CPVL: variants seen among roughly 807,000 people sequenced by gnomAD.
The protein encoded by CPVL is carboxypeptidase vitellogenic like.
A neutral mutation model predicts 63.7 loss-of-function variants in CPVL; 51 were observed. The observed-to-expected ratio is 0.80, with a 90% confidence interval of 0.64 to 1.01. CPVL has a LOEUF of 1.01. CPVL is among the 50% of genes least tolerant of loss of function. The pLI is 0.00. For synonymous variants in CPVL, 195 were observed against 206.0 expected (o/e 0.95, Z 0.46); for missense variants, 530 against 573.1 (o/e 0.92, Z 0.77).
rs180997031 is a variant in CPVL at position 29,173,798 on chromosome 7, G to T, written c.-11+7492C>A. On this transcript the variant is annotated intron_variant, in intron 5 of 16. Transcript: ENST00000409850. ...CCAAAAAAAAAAAAAAAAATTAGTC[G>T]AGTGTGGTGGTTCATGCCTGTAATC... Among the ~76,000 whole-genome samples, 46 of 150,828 alleles carry T rather than the reference G, an allele frequency of 3.0e-4. 1 individual carries two copies. The highest frequency in any genetic ancestry group is 3.4e-3 in the Middle Eastern group (1 of 290).
chr7:29,116,861 A>C (rs1788819671), intron 2 of CPVL, among the ~76,000 whole-genome samples: 1 of 152,248 alleles, frequency 6.6e-6, no homozygotes. Context: ...TTAAAAATTA[A>C]AAATTTCCCT....
At chr7:29,111,981 C>T (rs1277700553) in intron 3 of CPVL, among the ~76,000 whole-genome samples, 1 of 152,230 alleles carries the variant, frequency 6.6e-6, no homozygotes, top group East Asian at 1.9e-4. Context: ...ATACCCGCAA[C>T]AGCACCTCTA....
Position 29,028,587 on chromosome 7 carries a change from A to G in CPVL, c.1320+1990T>C, listed in dbSNP as rs555941656. Among the ~76,000 whole-genome samples the G allele has an allele frequency of 2.6e-5, 4 of 152,300 alleles. No individual in the cohort carries two copies. The East Asian group carries it at 7.7e-4, about 29-fold the overall frequency. Reference sequence around the variant, plus strand: ...GAATAGGAGAAAATATCTGCCAACTATCCATCTGACCAAAGACTAATATCC... The same window carrying G: ...GAATAGGAGAAAATATCTGCCAACTGTCCATCTGACCAAAGACTAATATCC... On this transcript the variant is annotated intron_variant, in intron 12 of 12. Coordinates refer to ENST00000265394, the MANE Select transcript of CPVL (RefSeq NM_031311.5).
chr7:29,146,446 C>A lies in CPVL; in HGVS notation c.-28G>T, dbSNP rs1214963358. ...GCACTTACGCGGCGCAGTCGGTGCT[C>A]CTCCCTGAGCCGCGGCGCGCAAGGA... On this transcript the variant is annotated 5_prime_UTR_variant, in exon 1 of 13. Transcript: ENST00000265394. 3.8e-6 allele frequency: 5 copies of A among 1,314,120 alleles called. No homozygotes were observed. The highest frequency in any genetic ancestry group is 1.5e-5 in the African/African-American group (1 of 67,058). The allele number at this position is 1,314,120 out of a possible 1,614,324, so 81.4% of individuals were successfully genotyped here.
rs773645487 is a variant in CPVL at position 29,094,996 on chromosome 7, C to A, written c.462+88G>T. 1.2e-4 allele frequency: 109 copies of A among 932,888 alleles called. 3 individuals carry two copies. The East Asian group carries it at 1.7e-3, about 15-fold the overall frequency. The allele number at this position is 932,888 out of a possible 1,614,324, so 57.8% of individuals were successfully genotyped here. A position where few individuals can be genotyped will look rare whatever the true frequency, so the allele number is the denominator to read the frequency against. On this transcript the variant is annotated intron_variant, in intron 5 of 12. Coordinates refer to ENST00000265394, the MANE Select transcript of CPVL (RefSeq NM_031311.5). ...CTATTTTCAAAAGGAAAAACGAAATCTATTTTTTAAATGTACTTAATAAAA... is the reference window on the plus strand; with the variant it reads ...CTATTTTCAAAAGGAAAAACGAAATATATTTTTTAAATGTACTTAATAAAA...
At chr7:29,111,781 C>G in intron 3 of CPVL, among the ~76,000 whole-genome samples, 1 of 152,084 alleles carries the variant, frequency 6.6e-6, no homozygotes, top group Middle Eastern at 3.4e-3. Context: ...CACCCTGGAC[C>G]AAGCAATTTA....
chr7:29,092,111 T>A (rs1785873220), intron 6 of CPVL, among the ~76,000 whole-genome samples: 1 of 151,614 alleles, frequency 6.6e-6, no homozygotes, highest in African/African-American at 2.4e-5. Flanking sequence ...TAGCAATGAT[T>A]AATATGAGTG....
chr7:29,081,638 G>A (rs78551860), intron 7 of CPVL, among the ~76,000 whole-genome samples: 1,745 of 152,294 alleles, frequency 0.011, 26 homozygotes, highest in African/African-American at 0.04. Context: ...CAGAGTAGAG[G>A]GGGAAATGCC....
At chr7:29,181,882 A>G (rs1413359214) in intron 4 of CPVL, among the ~76,000 whole-genome samples, 1 of 152,146 alleles carries the variant, frequency 6.6e-6, no homozygotes, top group African/African-American at 2.4e-5. Context: ...GTACCTAAGT[A>G]TTTATTCATG....
At position 29,095,211 on chromosome 7, in the gene CPVL, C is replaced by T. The variant is rs1786283388; in HGVS notation, c.404-69G>A. 53 of 1,313,192 alleles carry T rather than the reference C, an allele frequency of 4.0e-5. No homozygotes were observed. The South Asian group carries it at 5.9e-4, about 15-fold the overall frequency. 81.3% of individuals were successfully genotyped at this position (1,313,192 alleles called of 1,614,324 possible). On this transcript the variant is annotated intron_variant, in intron 4 of 12. Transcript: ENST00000265394. ...CATTCCACCGAGGCCTCATGGTGGTCAGAAGCCCAACACACCCCACGGTCC... is the reference window on the plus strand; with the variant it reads ...CATTCCACCGAGGCCTCATGGTGGTTAGAAGCCCAACACACCCCACGGTCC...
intron 12 of CPVL, among the ~76,000 whole-genome samples, chr7:29,005,391 T>G (rs1278527870): frequency 2.0e-5 from 3 of 152,216 alleles, no homozygotes; most frequent in African/African-American, 7.2e-5. Flanking sequence ...AAAAAAGGAT[T>G]ATAATACAGT....
intron 4 of CPVL, among the ~76,000 whole-genome samples, chr7:29,181,780 A>G (rs1456608230): frequency 6.6e-6 from 1 of 152,232 alleles, no homozygotes; most frequent in East Asian, 1.9e-4. Context: ...AGGTCCTAAC[A>G]AACTTTTTTT....
intron 1 of CPVL, among the ~76,000 whole-genome samples, chr7:29,141,816 G>A (rs1220978389): frequency 6.6e-6 from 1 of 151,952 alleles, no homozygotes; most frequent in Non-Finnish European, 1.5e-5. Context: ...TCAGGAGGCT[G>A]AGGCAGGAGA....
At chr7:29,079,460 C>T (rs1329815158) in intron 7 of CPVL, among the ~76,000 whole-genome samples, 1 of 152,174 alleles carries the variant, frequency 6.6e-6, no homozygotes, top group Non-Finnish European at 1.5e-5. Flanking sequence ...CACTAAGCCT[C>T]GGTCACCTCA....
upstream of CPVL, chr7:29,146,695 C>A (rs1219284510): frequency 2.6e-6 from 4 of 1,550,528 alleles, no homozygotes; most frequent in African/African-American, 2.7e-5. Flanking sequence ...CAAGCAGCCC[C>A]AGGGTGGAAT....
intron 7 of CPVL, among the ~76,000 whole-genome samples, chr7:29,076,800 G>T (rs1213525566): frequency 6.6e-6 from 1 of 152,170 alleles, no homozygotes; most frequent in Non-Finnish European, 1.5e-5. Flanking sequence ...ACATCAGAAG[G>T]ATCTCAGAAT....
chr7:29,089,604 T>C (rs370250560), intron 6 of CPVL, among the ~76,000 whole-genome samples: 2 of 152,184 alleles, frequency 1.3e-5, no homozygotes, highest in Non-Finnish European at 2.9e-5. Flanking sequence ...ACCATTGTGA[T>C]GGCAACACCC....
chr7:29,163,142 TAAAA>T (rs1795418372), intron 5 of CPVL, among the ~76,000 whole-genome samples: 1 of 152,048 alleles, frequency 6.6e-6, no homozygotes, highest in Non-Finnish European at 1.5e-5. Flanking sequence ...AATTAAAAAT[TAAAA>T]AAAGATACTC....
chr7:29,092,417 A>G (rs1785909397), intron 6 of CPVL, among the ~76,000 whole-genome samples: 1 of 152,220 alleles, frequency 6.6e-6, no homozygotes. Flanking sequence ...GAAACCTTTC[A>G]GATGTCTGGT....
Sources: allele counts gnomAD v4.1 joint callset (sites outside exome capture counted in the v4.1 genomes callset), GRCh38; gene constraint gnomAD v4.1.1; transcripts MANE v1.5; gene names NCBI Gene and HGNC (gene_info 2026-07-23, HGNC 2026-07-21).